MUC3A: variants seen among roughly 807,000 people sequenced by gnomAD.
MUC3A encodes mucin-3A.
MUC3A carries 109 observed loss-of-function variants against 109.0 expected under a neutral mutation model. That is an observed-to-expected ratio of 1.00 (90% CI 0.86 to 1.17). The LOEUF (loss-of-function observed/expected upper bound fraction) is 1.17, where lower values mean the gene tolerates loss of function less well. Ranked by LOEUF, MUC3A falls within the 50% of genes most tolerant of loss-of-function variation. The pLI is 0.00. For missense variants in MUC3A, 3,537 were observed against 2,469.4 expected, an observed-to-expected ratio of 1.43 and a Z score of -9.16; for synonymous variants, 1,398 against 981.4, an observed-to-expected ratio of 1.42 and a Z score of -7.93.
In MUC3A at chr7:100,963,696, G is replaced by T. The variant is rs973063273; in HGVS notation, c.9177G>T (p.Lys3059Asn). The change falls in exon 5 of 12, where the codon AAG (lysine) becomes AAT (asparagine). Residue 3059 changes from lysine to asparagine, a missense_variant. By Grantham distance (94) the Lys-to-Asn change is moderately conservative (BLOSUM62 0). Transcript: ENST00000379458. ...FNKTFWNQMQ[K>N]IFADMQGFTF... ...GATCCTTGGTGTTTCAGATGCAGAAGATTTTTGCAGACATGCAGGGCTTCA... is the reference window on the plus strand; with the variant it reads ...GATCCTTGGTGTTTCAGATGCAGAATATTTTTGCAGACATGCAGGGCTTCA... 4.4e-6 allele frequency: 7 copies of T among 1,598,384 alleles called. No individual in the cohort carries two copies. The Admixed American group carries it at 8.3e-5, about 19-fold the overall frequency.
intron 1 of MUC3A, among the ~76,000 whole-genome samples, chr7:100,950,567 A>G (rs1584797149): frequency 1.3e-5 from 2 of 152,286 alleles, no homozygotes; most frequent in Admixed American, 6.5e-5. Context: ...GAGACGTGAC[A>G]CCCCAGCTCT....
rs768338645 is a variant in MUC3A, at chr7:100,960,373, G to A, written c.8594G>A (p.Arg2865Gln). ...VPTNTVFTST[R>Q]LPTSETWLSN... ...ACAAACACAGTTTTCACAAGTACTC[G>A]ACTGCCCACCAGTGAGACCTGGCTG... Residue 2865 changes from arginine (R) to glutamine (Q), a missense_variant, in exon 2 of 12, where the codon CGA becomes CAA. Coordinates refer to ENST00000379458, the MANE Select transcript of MUC3A (RefSeq NM_005960.2). The A allele has an allele frequency of 3.8e-6, 6 of 1,598,548 alleles. No homozygotes were observed. The highest frequency in any genetic ancestry group is 1.1e-5 in the South Asian group (1 of 91,092).
In MUC3A at chr7:100,960,260, A is replaced by G. The variant is rs755295330; in HGVS notation, c.8481A>G (p.Thr2827=). Residue 2827 remains threonine (T), a synonymous_variant, in exon 2 of 12, where the codon ACA becomes ACG. Coordinates refer to ENST00000379458, the MANE Select transcript of MUC3A (RefSeq NM_005960.2). ...TCAGTATCCAAACTACTCTTACTACATATATGGACACTTCTTCCATGATGC... is the reference window on the plus strand; with the variant it reads ...TCAGTATCCAAACTACTCTTACTACGTATATGGACACTTCTTCCATGATGC... ...TSISIQTTLT[T]YMDTSSMMPE... The G allele has an allele frequency of 1.3e-6, 2 of 1,598,534 alleles. No homozygotes were observed. Among genetic ancestry groups the G allele is most frequent in the Admixed American group, 1.7e-5 (1 of 60,034 alleles).
Position 100,951,945 on chromosome 7 carries a change from T to A in MUC3A, c.166T>A (p.Trp56Arg). The change falls in exon 2 of 12, where the codon TGG becomes AGG. Residue 56 changes from tryptophan to arginine, a missense_variant. Trp to Arg is a moderately radical substitution (Grantham distance 101, BLOSUM62 -3). Coordinates refer to ENST00000379458, the MANE Select transcript of MUC3A (RefSeq NM_005960.2). ...NSPHSRDLAG[W>R]PLGVPQLASP... is the part of the protein sequence containing the mutation. The stretch of plus-strand genomic sequence containing the variant: ...TCCACACTCCAGAGACCTGGCTGGG[T>A]GGCCACTTGGTGTCCCCCAGCTCGC... 6.3e-7 allele frequency: 1 copy of A among 1,598,640 alleles called. No individual in the cohort carries two copies. The highest frequency in any genetic ancestry group is 8.5e-7 in the Non-Finnish European group (1 of 1,179,806).
Position 100,954,704 on chromosome 7 carries a change from C to T in MUC3A, c.2925C>T (p.Thr975=). 2 of 400,500 alleles carry T rather than the reference C, an allele frequency of 5.0e-6. No homozygotes were observed. The highest frequency in any genetic ancestry group is 8.8e-6 in the Non-Finnish European group (2 of 227,392). 24.8% of individuals were successfully genotyped at this position (400,500 alleles called of 1,614,324 possible). The change falls in exon 2 of 12, where the codon ACC becomes ACT. Residue 975 remains threonine (T), a synonymous_variant. Transcript: ENST00000379458. ...CAACTACAGGCAGAGGTCAGACCACCTTTCCCAGCTCTACAGCCACATTCC... is the reference window on the plus strand; with the variant it reads ...CAACTACAGGCAGAGGTCAGACCACTTTTCCCAGCTCTACAGCCACATTCC... ...TVSTTGRGQT[T]FPSSTATFPE...
rs772923529 is a variant in MUC3A at position 100,959,645 on chromosome 7, G to GA, written c.7867dup (p.Ile2623AsnfsTer11). On this transcript the variant is annotated frameshift_variant, in exon 2 of 12. Coordinates refer to ENST00000379458, the MANE Select transcript of MUC3A (RefSeq NM_005960.2). LOFTEE classifies it high-confidence loss of function. ...TTACTCCATCAACAGCCTTGAGCAC[G>GA]ATCGTGTCAACATCACAGGTTCCTA... 2 of 1,598,396 alleles carry GA rather than the reference G, an allele frequency of 1.3e-6. No individual in the cohort carries two copies. Among genetic ancestry groups the GA allele is most frequent in the Non-Finnish European group, 1.7e-6 (2 of 1,179,794 alleles).
At chr7:100,966,590 G>C (rs1365763896) in intron 9 of MUC3A, 31 bp downstream of exon 9, 2 of 1,587,022 alleles carry the variant, frequency 1.3e-6, no homozygotes, top group Middle Eastern at 1.7e-4. Context: ...GCCGGGGGGC[G>C]AGGGCAGCCA....
In MUC3A at chr7:100,960,342, G is replaced by A; in HGVS notation, c.8563G>A (p.Val2855Ile). Residue 2855 changes from valine to isoleucine, a missense_variant, in exon 2 of 12, where the codon GTA becomes ATA. By Grantham distance (29) the Val-to-Ile change is conservative. Transcript: ENST00000379458. ...NASSSTGTGT[V>I]PTNTVFTSTR... ...TTCCAGTTCCACTGGCACTGGGACT[G>A]TACCCACAAACACAGTTTTCACAAG... The A allele has an allele frequency of 6.3e-7, 1 of 1,598,550 alleles. No homozygotes were observed.
rs1449956968 is a variant in MUC3A, at chr7:100,965,249, C to T, written c.9383-33C>T. ...CTTGACCTTAACCCCTTGATCTGCC[C>T]CGCCCATTCCATCTGTGCCTGTGTT... On this transcript the variant is annotated intron_variant, in intron 6 of 11. Coordinates refer to ENST00000379458, the MANE Select transcript of MUC3A (RefSeq NM_005960.2). 4 of 1,595,552 alleles carry T rather than the reference C, an allele frequency of 2.5e-6. No individual in the cohort carries two copies. The South Asian group carries it at 4.4e-5, about 18-fold the overall frequency.
Position 100,957,718 on chromosome 7 carries a change from C to A in MUC3A, c.5939C>A (p.Thr1980Asn). The change falls in exon 2 of 12, where the codon ACC (threonine) becomes AAC (asparagine). Residue 1980 changes from threonine (T) to asparagine (N), a missense_variant. Coordinates refer to ENST00000379458, the MANE Select transcript of MUC3A (RefSeq NM_005960.2). ...ACTCCCAGCCTCACTTCTTCAATCA[C>A]CACCACCAAGACCACCTCACACAGT... ...HNTPSLTSSI[T>N]TTKTTSHSTP... The A allele has an allele frequency of 3.0e-5, 5 of 168,478 alleles. No homozygotes were observed. The South Asian group carries it at 5.1e-4, about 17-fold the overall frequency. The allele number at this position is 168,478 out of a possible 1,614,324, so 10.4% of individuals were successfully genotyped here.
chr7:100,955,218 A>T lies in MUC3A; in HGVS notation c.3439A>T (p.Thr1147Ser). Reference sequence around the variant, plus strand: ...CTTGATAACCACCACCCCTAATACCACCTCCCTTAGTACCCCCAGCTTCAC... The same window carrying T: ...CTTGATAACCACCACCCCTAATACCTCCTCCCTTAGTACCCCCAGCTTCAC... ...TTLITTTPNT[T>S]SLSTPSFTSS... The change falls in exon 2 of 12, where the codon ACC (threonine) becomes TCC (serine). Residue 1147 changes from threonine (T) to serine (S), a missense_variant. Coordinates refer to ENST00000379458, the MANE Select transcript of MUC3A (RefSeq NM_005960.2). 1 of 734,424 alleles carries T rather than the reference A, an allele frequency of 1.4e-6. No homozygotes were observed. Among genetic ancestry groups the T allele is most frequent in the Non-Finnish European group, 2.5e-6 (1 of 405,302 alleles). 45.5% of individuals were successfully genotyped at this position (734,424 alleles called of 1,614,324 possible).
rs1792642787 is a variant in MUC3A at position 100,967,476 on chromosome 7, A to G, written c.*314A>G. 2 of 572,202 alleles carry G rather than the reference A, an allele frequency of 3.5e-6. No individual in the cohort carries two copies. Among genetic ancestry groups the G allele is most frequent in the South Asian group, 4.7e-5 (2 of 42,690 alleles). 35.4% of individuals were successfully genotyped at this position (572,202 alleles called of 1,614,324 possible). A position where few individuals can be genotyped will look rare whatever the true frequency, so the allele number is the denominator to read the frequency against. On this transcript the variant is annotated 3_prime_UTR_variant, in exon 12 of 12. Coordinates refer to ENST00000379458, the MANE Select transcript of MUC3A (RefSeq NM_005960.2). The stretch of plus-strand genomic sequence containing the variant: ...CTCACGCCGTTGTTGTGAAAACCAC[A>G]TAGACTTGGTCAATTCTCGGTCCTA...
rs764683924 is a variant in MUC3A, at chr7:100,960,310, C to A, written c.8531C>A (p.Pro2844His). The change falls in exon 2 of 12, where the codon CCC (proline) becomes CAC (histidine). Residue 2844 changes from proline (P) to histidine (H), a missense_variant. Transcript: ENST00000379458. ...CCAGAAAGTGAGTCCAGCATCTCACCCAATGCTTCCAGTTCCACTGGCACT... is the reference window on the plus strand; with the variant it reads ...CCAGAAAGTGAGTCCAGCATCTCACACAATGCTTCCAGTTCCACTGGCACT... Reference protein sequence around the residue: ...MMPESESSISPNASSSTGTGT... With the variant: ...MMPESESSISHNASSSTGTGT... 2 of 1,598,436 alleles carry A rather than the reference C, an allele frequency of 1.3e-6. No homozygotes were observed. Among genetic ancestry groups the A allele is most frequent in the African/African-American group, 1.3e-5 (1 of 74,964 alleles).
In MUC3A at chr7:100,966,932, A is replaced by G. The variant is rs769555175; in HGVS notation, c.9911A>G (p.Asn3304Ser). The G allele has an allele frequency of 3.1e-6, 5 of 1,598,538 alleles. No individual in the cohort carries two copies. The East Asian group carries it at 1.1e-4, about 36-fold the overall frequency. The change falls in exon 11 of 12, where the codon AAC (asparagine) becomes AGC (serine). Residue 3304 changes from asparagine to serine, a missense_variant. Asn to Ser is a conservative substitution (Grantham distance 46, BLOSUM62 1). Transcript: ENST00000379458. ...ACAAATTTCTATGTGGCCTTGGAGAACGTGGACACCACTATGAAGGTGAGG... is the reference window on the plus strand; with the variant it reads ...ACAAATTTCTATGTGGCCTTGGAGAGCGTGGACACCACTATGAAGGTGAGG... ...KDTNFYVALE[N>S]VDTTMKVHIK...
chr7:100,960,319 C>G lies in MUC3A; in HGVS notation c.8540C>G (p.Ser2847Cys). Residue 2847 changes from serine (S) to cysteine (C), a missense_variant, in exon 2 of 12, where the codon TCC (serine) becomes TGC (cysteine). By Grantham distance (112) the Ser-to-Cys change is moderately radical. Transcript: ENST00000379458. ...ESESSISPNA[S>C]SSTGTGTVPT... Reference sequence around the variant, plus strand: ...GAGTCCAGCATCTCACCCAATGCTTCCAGTTCCACTGGCACTGGGACTGTA... The same window carrying G: ...GAGTCCAGCATCTCACCCAATGCTTGCAGTTCCACTGGCACTGGGACTGTA... 2 of 1,598,548 alleles carry G rather than the reference C, an allele frequency of 1.3e-6. No individual in the cohort carries two copies. Among genetic ancestry groups the G allele is most frequent in the Non-Finnish European group, 1.7e-6 (2 of 1,179,828 alleles).
intron 1 of MUC3A, among the ~76,000 whole-genome samples, chr7:100,951,582 C>T (rs926092120): frequency 6.6e-6 from 1 of 150,502 alleles, no homozygotes; most frequent in Admixed American, 6.6e-5. Flanking sequence ...GACAGGAGGA[C>T]CTGCCATGAC....
At chr7:100,963,556 A>T (rs1792414736) in intron 4 of MUC3A, 132 bp from the exon 5 acceptor site, 5 of 1,389,172 alleles carry the variant, frequency 3.6e-6, no homozygotes, top group Non-Finnish European at 5.0e-6. Context: ...AAGTGTTGGG[A>T]TTACAGGCGT....
At chr7:100,966,351 A>G in intron 8 of MUC3A, 35 bp from the exon 9 acceptor site, 1 of 1,296,602 alleles carries the variant, frequency 7.7e-7, no homozygotes, top group Admixed American at 3.3e-5. Context: ...CCGAGCCCGG[A>G]GGTGAAGAGG....
At chr7:100,964,175 A>T (rs1048023070) in intron 5 of MUC3A, 14 of 300,384 alleles carry the variant, frequency 4.7e-5, no homozygotes, top group Non-Finnish European at 8.2e-5. Flanking sequence ...GGTGGCTCAC[A>T]CTTGCAATCC....
Sources: gnomAD v4.1 joint callset for allele counts (sites outside exome capture counted in the v4.1 genomes callset) on GRCh38, gnomAD v4.1.1 for gene constraint, MANE v1.5 for transcripts, NCBI Gene and HGNC (gene_info 2026-07-23, HGNC 2026-07-21) for gene names.